MEIS1: variants seen among roughly 807,000 people sequenced by gnomAD.
MEIS1 encodes the protein homeobox protein Meis1.
A neutral mutation model predicts 50.8 loss-of-function variants in MEIS1; 5 were observed. The observed-to-expected ratio is 0.10, with a 90% confidence interval of 0.05 to 0.21. The LOEUF is 0.21. MEIS1 is among the 10% of genes least tolerant of loss of function. The pLI, the probability that MEIS1 is intolerant of heterozygous loss-of-function variation, is 1.00. For missense variants in MEIS1, 318 were observed against 517.3 expected (o/e 0.61, Z 3.74); for synonymous variants, 176 against 179.3 (o/e 0.98, Z 0.15).
intron 6 of MEIS1, among the ~76,000 whole-genome samples, chr2:66,456,387 G>A (rs1426798982): frequency 2.6e-5 from 4 of 152,140 alleles, no homozygotes; most frequent in Non-Finnish European, 5.9e-5. Context: ...AATGTAGTGA[G>A]TGCAAGACGT....
intron 8 of MEIS1, among the ~76,000 whole-genome samples, chr2:66,526,457 A>C (rs1674253955): frequency 6.6e-6 from 1 of 152,204 alleles, no homozygotes; most frequent in Non-Finnish European, 1.5e-5. Context: ...GTTTGCATAG[A>C]TAAAAAGCAG....
In MEIS1 at chr2:66,442,682, G is replaced by C. The variant is rs1411933088; in HGVS notation, c.484-220G>C. The C allele has an allele frequency of 8.2e-6, 4 of 489,336 alleles. No individual in the cohort carries two copies. The East Asian group carries it at 1.5e-4, about 18-fold the overall frequency. 30.3% of individuals were successfully genotyped at this position (489,336 alleles called of 1,614,324 possible). On this transcript the variant is annotated intron_variant, in intron 5 of 12. Transcript: ENST00000272369. The stretch of plus-strand genomic sequence containing the variant: ...GGGTGTTGAATATGTTGTAGCCTGT[G>C]AATCATCTTGTCACTGTCAATTTTC...
intron 9 of MEIS1, among the ~76,000 whole-genome samples, chr2:66,563,429 GACAC>G: frequency 1.3e-5 from 2 of 152,098 alleles, no homozygotes; most frequent in African/African-American, 4.8e-5. Context: ...TGAACACACA[GACAC>G]ACACACATAC....
intron 7 of MEIS1, 116 bp downstream of exon 7, chr2:66,464,336 A>T: frequency 1.2e-6 from 1 of 800,174 alleles, no homozygotes; most frequent in Non-Finnish European, 2.1e-6. Flanking sequence ...ACCCCCTTTA[A>T]CTTGAGAATC....
At chr2:66,510,409 A>G (rs1673798361) in intron 7 of MEIS1, among the ~76,000 whole-genome samples, 1 of 152,112 alleles carries the variant, frequency 6.6e-6, no homozygotes, top group Admixed American at 6.6e-5. Context: ...AGAACATAGC[A>G]TTTTCTTCAC....
chr2:66,492,658 C>A (rs1230953342), intron 7 of MEIS1, among the ~76,000 whole-genome samples: 1 of 152,204 alleles, frequency 6.6e-6, no homozygotes, highest in Non-Finnish European at 1.5e-5. Flanking sequence ...TTCTTGGAGA[C>A]TCCTACAGCA....
intron 7 of MEIS1, among the ~76,000 whole-genome samples, chr2:66,498,597 G>A (rs566836892): frequency 6.6e-6 from 1 of 152,194 alleles, no homozygotes; most frequent in African/African-American, 2.4e-5. Context: ...AGATACCCAT[G>A]AGGTCACCTA....
intron 8 of MEIS1, among the ~76,000 whole-genome samples, chr2:66,545,214 A>G (rs1382606454): frequency 6.6e-6 from 1 of 152,210 alleles, no homozygotes; most frequent in African/African-American, 2.4e-5. Context: ...GACTGTTGAC[A>G]TATTTATTAA....
In MEIS1 at chr2:66,571,500, G is replaced by T. The variant is rs1675487186; in HGVS notation, c.*292G>T. The stretch of plus-strand genomic sequence containing the variant: ...TAATACAGGAGACCCAACAATGAGT[G>T]GACAAGTCATGGACATTCATGCTCA... On this transcript the variant is annotated 3_prime_UTR_variant, in exon 13 of 13. Transcript: ENST00000272369. The T allele has an allele frequency of 6.3e-7, 1 of 1,579,476 alleles. No individual in the cohort carries two copies. Among genetic ancestry groups the T allele is most frequent in the East Asian group, 2.3e-5 (1 of 43,090 alleles).
chr2:66,519,032 T>A (rs1273464323), intron 8 of MEIS1, among the ~76,000 whole-genome samples: 2 of 152,210 alleles, frequency 1.3e-5, no homozygotes, highest in Non-Finnish European at 2.9e-5. Flanking sequence ...TGCTCATGTA[T>A]GTCCCTACCC....
intron 8 of MEIS1, among the ~76,000 whole-genome samples, chr2:66,540,182 C>A (rs1359940640): frequency 6.6e-6 from 1 of 152,108 alleles, no homozygotes; most frequent in East Asian, 1.9e-4. Flanking sequence ...GAAATAATGC[C>A]TGTAATGCAT....
chr2:66,471,551 C>T (rs754116614), intron 7 of MEIS1, among the ~76,000 whole-genome samples: 1 of 152,172 alleles, frequency 6.6e-6, no homozygotes, highest in Non-Finnish European at 1.5e-5. Context: ...TAAAATTATA[C>T]ACCAATTCTT....
At chr2:66,469,850 G>C (rs1486955602) in intron 7 of MEIS1, among the ~76,000 whole-genome samples, 2 of 152,016 alleles carry the variant, frequency 1.3e-5, no homozygotes, top group Non-Finnish European at 2.9e-5. Context: ...CTCAGGTTCA[G>C]GATGTAATCT....
chr2:66,537,580 C>T (rs1458283014), intron 8 of MEIS1, among the ~76,000 whole-genome samples: 1 of 152,200 alleles, frequency 6.6e-6, no homozygotes. Context: ...AATATCTCCT[C>T]ACCAAATGTA....
chr2:66,445,571 C>A (rs766980716), intron 6 of MEIS1, among the ~76,000 whole-genome samples: 1 of 152,206 alleles, frequency 6.6e-6, no homozygotes, highest in East Asian at 1.9e-4. Flanking sequence ...AGGGTGCGCT[C>A]CGGGACTGGG....
At chr2:66,448,948 C>T (rs2103706909) in intron 6 of MEIS1, among the ~76,000 whole-genome samples, 2 of 152,140 alleles carry the variant, frequency 1.3e-5, no homozygotes, top group East Asian at 3.9e-4. Flanking sequence ...TAGCATTTTA[C>T]ATGGCCTTTT....
chr2:66,538,282 A>T (rs1174170160), intron 8 of MEIS1, among the ~76,000 whole-genome samples: 2 of 152,218 alleles, frequency 1.3e-5, no homozygotes, highest in East Asian at 3.8e-4. Context: ...AGTAAATTAG[A>T]TTCTGAGCCT....
chr2:66,511,673 GT>G (rs1673833956), intron 7 of MEIS1, among the ~76,000 whole-genome samples: 1 of 152,118 alleles, frequency 6.6e-6, no homozygotes, highest in Non-Finnish European at 1.5e-5. Context: ...CCCCATCCTA[GT>G]TTAACTAGTC....
chr2:66,524,572 A>G (rs938235978), intron 8 of MEIS1, among the ~76,000 whole-genome samples: 11 of 152,038 alleles, frequency 7.2e-5, no homozygotes, highest in African/African-American at 2.7e-4. Context: ...ATGAATAAAT[A>G]AATAAAATTT....
Sources: allele counts gnomAD v4.1 joint callset (sites outside exome capture counted in the v4.1 genomes callset), GRCh38; gene constraint gnomAD v4.1.1; transcripts MANE v1.5; gene names NCBI Gene and HGNC (gene_info 2026-07-23, HGNC 2026-07-21).